The following AK5 variants were observed in gnomAD, a reference collection of about 807,000 sequenced individuals.
AK5 encodes adenylate kinase isoenzyme 5.
A neutral mutation model predicts 69.5 loss-of-function variants in AK5; 27 were observed. The ratio of observed to expected loss-of-function variants is 0.39; its 90% CI spans 0.29 to 0.54. The LOEUF is 0.54. AK5 is among the 20% of genes least tolerant of loss of function. The pLI is 0.71. For synonymous variants in AK5, 260 were observed against 244.4 expected (o/e 1.06, Z -0.60); for missense variants, 531 against 700.4 (o/e 0.76, Z 2.73).
intron 5 of AK5, among the ~76,000 whole-genome samples, chr1:77,323,578 C>T (rs1005094820): frequency 1.6e-4 from 24 of 152,184 alleles, no homozygotes; most frequent in African/African-American, 3.9e-4. Context: ...TCGAAATGAA[C>T]GAGCAAATGA....
At chr1:77,451,699 G>A (rs1653169400) in intron 8 of AK5, among the ~76,000 whole-genome samples, 1 of 152,206 alleles carries the variant, frequency 6.6e-6, no homozygotes, top group African/African-American at 2.4e-5. Flanking sequence ...TCTCAGGGTT[G>A]TACTTGCAGT....
chr1:77,527,787 C>T (rs1976334), intron 12 of AK5, among the ~76,000 whole-genome samples: 104,242 of 152,080 alleles, frequency 0.69, 36,602 homozygotes, highest in Non-Finnish European at 0.77. Flanking sequence ...TGGCCGGGCA[C>T]GGTGGCTCAC....
At chr1:77,404,316 C>A (rs760924652) in intron 6 of AK5, among the ~76,000 whole-genome samples, 5 of 152,062 alleles carry the variant, frequency 3.3e-5, no homozygotes, top group Admixed American at 1.3e-4. Context: ...GGCAAGTAGC[C>A]CCCTGACCCC....
At chr1:77,396,661 CA>C (rs1406974136) in intron 6 of AK5, among the ~76,000 whole-genome samples, 1 of 152,158 alleles carries the variant, frequency 6.6e-6, no homozygotes, top group Non-Finnish European at 1.5e-5. Flanking sequence ...GAAGGAAAAA[CA>C]AATGAATGTG....
intron 6 of AK5, among the ~76,000 whole-genome samples, chr1:77,367,580 A>AGT (rs1646984540): frequency 4.3e-4 from 1 of 2,318 alleles, no homozygotes; most frequent in Non-Finnish European, 1.2e-3. Context: ...TATATATATA[A>AGT]TATATATGTT....
chr1:77,287,323 C>T (rs1324271588), intron 2 of AK5, among the ~76,000 whole-genome samples, 196 bp downstream of exon 2: 1 of 152,116 alleles, frequency 6.6e-6, no homozygotes, highest in African/African-American at 2.4e-5. Context: ...TACCATTGTC[C>T]AACAATTCAC....
At chr1:77,455,655 A>C (rs1270936504) in intron 8 of AK5, among the ~76,000 whole-genome samples, 1 of 152,106 alleles carries the variant, frequency 6.6e-6, no homozygotes, top group Non-Finnish European at 1.5e-5. Flanking sequence ...CTAGTCTATG[A>C]TGTTTTATTA....
At chr1:77,363,695 C>T (rs1419728274) in intron 6 of AK5, among the ~76,000 whole-genome samples, 1 of 152,124 alleles carries the variant, frequency 6.6e-6, no homozygotes, top group East Asian at 1.9e-4. Flanking sequence ...ACCTCAGGGC[C>T]TTTTGCTGTT....
intron 9 of AK5, 69 bp from the exon 10 acceptor site, chr1:77,486,238 TA>T: frequency 9.7e-7 from 1 of 1,028,646 alleles, no homozygotes; most frequent in Non-Finnish European, 1.5e-6. Context: ...GGTTTTTATA[TA>T]ATATGAGTAA....
Position 77,340,588 on chromosome 1 carries a change from A to T in AK5, c.891+20A>T. The T allele has an allele frequency of 6.2e-7, 1 of 1,608,760 alleles. No homozygotes were observed. Among genetic ancestry groups the T allele is most frequent in the Non-Finnish European group, 8.5e-7 (1 of 1,176,464 alleles). ...ATGACAGTAAGTTAGCTCGACTTTT[A>T]CAAGTCCAATACAAGAGCGCTCTTT... On this transcript the variant is annotated intron_variant, in intron 6 of 13. Transcript: ENST00000354567.
intron 10 of AK5, among the ~76,000 whole-genome samples, chr1:77,510,064 G>T (rs1657255506): frequency 6.6e-6 from 1 of 152,190 alleles, no homozygotes; most frequent in Non-Finnish European, 1.5e-5. Flanking sequence ...ATGGCCTGAG[G>T]TGTGAACCTG....
chr1:77,327,516 C>T (rs963704855), intron 5 of AK5, among the ~76,000 whole-genome samples: 2 of 152,084 alleles, frequency 1.3e-5, no homozygotes, highest in Non-Finnish European at 2.9e-5. Context: ...CCAACATTAT[C>T]GTCCAGTCAT....
chr1:77,328,276 A>G (rs1194880918), intron 5 of AK5, among the ~76,000 whole-genome samples: 1 of 152,176 alleles, frequency 6.6e-6, no homozygotes, highest in Non-Finnish European at 1.5e-5. Context: ...TGAGGTGGGC[A>G]GATCACGAGG....
intron 6 of AK5, among the ~76,000 whole-genome samples, chr1:77,354,423 G>A (rs945816833): frequency 6.6e-6 from 1 of 152,204 alleles, no homozygotes; most frequent in Non-Finnish European, 1.5e-5. Flanking sequence ...TTAAAGGGAT[G>A]TCTGTGGAAG....
intron 5 of AK5, among the ~76,000 whole-genome samples, chr1:77,334,759 G>A (rs1661262839): frequency 6.6e-6 from 1 of 152,052 alleles, no homozygotes; most frequent in South Asian, 2.1e-4. Flanking sequence ...GTTATCTAAG[G>A]GTGGTTCACA....
chr1:77,319,512 T>C (rs1660412322), intron 5 of AK5, among the ~76,000 whole-genome samples: 1 of 152,224 alleles, frequency 6.6e-6, no homozygotes, highest in South Asian at 2.1e-4. Context: ...TTCATTCTTT[T>C]ATGCCAGCAC....
chr1:77,521,733 C>T, intron 11 of AK5, 94 bp from the exon 12 acceptor site: 5 of 871,386 alleles, frequency 5.7e-6, no homozygotes, highest in Non-Finnish European at 9.5e-6. Flanking sequence ...CCTGAACCTT[C>T]CTCCCTCCCT....
intron 6 of AK5, among the ~76,000 whole-genome samples, chr1:77,403,796 A>T (rs201079349): frequency 3.9e-5 from 6 of 152,264 alleles, no homozygotes; most frequent in African/African-American, 1.4e-4. Flanking sequence ...TTTTGATTCC[A>T]TATGAACTTT....
chr1:77,318,548 A>G (rs1360391272), intron 5 of AK5, among the ~76,000 whole-genome samples: 7 of 152,134 alleles, frequency 4.6e-5, no homozygotes, highest in Admixed American at 3.3e-4. Flanking sequence ...TTCAAGTAAG[A>G]TGTGTTCCCA....
Sources: gnomAD v4.1 joint callset for allele counts (sites outside exome capture counted in the v4.1 genomes callset) on GRCh38, gnomAD v4.1.1 for gene constraint, MANE v1.5 for transcripts, NCBI Gene and HGNC (gene_info 2026-07-23, HGNC 2026-07-21) for gene names.